RAD23A: variants seen among roughly 807,000 people sequenced by gnomAD.
RAD23A encodes the protein lysine-specific demethylase RAD23A.
Under a neutral mutation model 44.8 loss-of-function variants are expected in RAD23A, and 16 were observed. That is an observed-to-expected ratio of 0.36 (90% confidence interval 0.24 to 0.54). The LOEUF is 0.54. Among genes scored for constraint, RAD23A ranks in the 20% least tolerant of loss-of-function variants. RAD23A has a pLI of 0.89. For missense variants in RAD23A, 380 were observed against 483.3 expected (o/e 0.79, Z 2.00); for synonymous variants, 217 against 202.9 (o/e 1.07, Z -0.59).
At position 12,946,023 on chromosome 19, in the gene RAD23A, G is replaced by GCGGGC; in HGVS notation, c.72+12_72+16dup. On this transcript the variant is annotated splice_donor_region_variant and intron_variant, in intron 1 of 8. Transcript: ENST00000586534. ...TCCGCATGGAGCCTGACGAGACGGT[G>GCGGGC]CGGGCCGGGCCGGAGCCCGGGGGCG... 2 of 1,598,850 alleles carry GCGGGC rather than the reference G, an allele frequency of 1.3e-6. No homozygotes were observed. Among genetic ancestry groups the GCGGGC allele is most frequent in the African/African-American group, 1.4e-5 (1 of 72,762 alleles).
chr19:12,946,321 GC>G (rs1971673503), intron 1 of RAD23A, among the ~76,000 whole-genome samples: 1 of 152,236 alleles, frequency 6.6e-6, no homozygotes, highest in African/African-American at 2.4e-5. Context: ...GGATTCCTGG[GC>G]AGGCCAAGCT....
At chr19:12,952,639 G>A (rs1263137546) in intron 7 of RAD23A, 50 bp from the exon 8 acceptor site, 2 of 1,544,984 alleles carry the variant, frequency 1.3e-6, no homozygotes, top group East Asian at 2.3e-5. Context: ...CTGGGGAGAG[G>A]AGGGGACCAG....
chr19:12,950,475 G>A (rs529935702), intron 7 of RAD23A, among the ~76,000 whole-genome samples: 36 of 151,996 alleles, frequency 2.4e-4, no homozygotes, highest in Non-Finnish European at 4.6e-4. Context: ...CGCAATCCCG[G>A]CTCACTGCAA....
At chr19:12,947,567 T>C (rs1971700956) in intron 1 of RAD23A, among the ~76,000 whole-genome samples, 1 of 152,214 alleles carries the variant, frequency 6.6e-6, no homozygotes, top group Non-Finnish European at 1.5e-5. Flanking sequence ...GTTCTCTCAT[T>C]GAGAGCAGGG....
chr19:12,953,337 C>T lies in RAD23A; in HGVS notation c.*288C>T. 1 of 249,666 alleles carries T rather than the reference C, an allele frequency of 4.0e-6. No homozygotes were observed. Among genetic ancestry groups the T allele is most frequent in the Non-Finnish European group, 7.4e-6 (1 of 134,452 alleles). The allele number at this position is 249,666 out of a possible 1,614,324, so 15.5% of individuals were successfully genotyped here. A position where few individuals can be genotyped will look rare whatever the true frequency, so the allele number is the denominator to read the frequency against. On this transcript the variant is annotated 3_prime_UTR_variant, in exon 9 of 9. Transcript: ENST00000586534. ...GGGCCCCTCTTGGCCTCTGTCCCAG[C>T]TCTCTGCAGCCAGACGGAAAGGCGG... is the stretch of plus-strand genomic sequence containing the variant.
Position 12,951,352 on chromosome 19 carries a change from C to G in RAD23A, c.814-1337C>G, listed in dbSNP as rs115491115. Among the ~76,000 whole-genome samples, 1,396 of 152,318 alleles carry G rather than the reference C, an allele frequency of 9.2e-3. 23 individuals are homozygous for G. The highest frequency in any genetic ancestry group is 0.03 in the African/African-American group (1,268 of 41,574). On this transcript the variant is annotated intron_variant, in intron 7 of 8. Transcript: ENST00000586534. ...GTCACCACCGTGGCTTCCCCCTGCTCTAGAAAATGGGTCTGACTTGGGCCT... is the reference window on the plus strand; with the variant it reads ...GTCACCACCGTGGCTTCCCCCTGCTGTAGAAAATGGGTCTGACTTGGGCCT...
rs772368514 is a variant in RAD23A, at chr19:12,947,907, T to C, written c.132T>C (p.Ala44=). ...AEKGRDAFPV[A]GQKLIYAGKI... The stretch of plus-strand genomic sequence containing the variant: ...AGGGTCGTGATGCCTTCCCCGTGGC[T>C]GGACAGAAACTCATCTATGCCGGCA... Residue 44 remains alanine, a synonymous_variant, in exon 2 of 9, where the codon GCT becomes GCC. Transcript: ENST00000586534. The C allele has an allele frequency of 1.9e-6, 3 of 1,614,062 alleles. No individual in the cohort carries two copies. In the Admixed American group the frequency reaches 5.0e-5, roughly 27 times the overall value.
At chr19:12,946,162 C>T (rs1971667659) in intron 1 of RAD23A, 142 bp downstream of exon 1, 1 of 781,890 alleles carries the variant, frequency 1.3e-6, no homozygotes. Flanking sequence ...GCCCGACTTT[C>T]CTGGACCCCC....
intron 7 of RAD23A, among the ~76,000 whole-genome samples, chr19:12,949,903 G>T (rs1971762468): frequency 6.6e-6 from 1 of 151,850 alleles, no homozygotes; most frequent in Admixed American, 6.6e-5. Flanking sequence ...GTGCAAGTAG[G>T]TTCCTCTGGG....
In RAD23A at chr19:12,948,785, C is replaced by T; in HGVS notation, c.572C>T (p.Pro191Leu). 3 of 1,612,208 alleles carry T rather than the reference C, an allele frequency of 1.9e-6. No individual in the cohort carries two copies. The highest frequency in any genetic ancestry group is 2.5e-6 in the Non-Finnish European group (3 of 1,179,548). The change falls in exon 5 of 9, where the codon CCC becomes CTC. Residue 191 changes from proline (P) to leucine (L), a missense_variant. Pro to Leu is a moderately conservative substitution (Grantham distance 98). Transcript: ENST00000586534. The surrounding 1 kb of genome is among the most constrained non-coding windows in gnomAD (Gnocchi z 5.5). ...VAALRASYNN[P>L]HRAVEYLLTG... Reference sequence around the variant, plus strand: ...GCCCTGAGAGCCAGCTACAACAACCCCCACCGAGCCGTGGAGTATCTGCTC... The same window carrying T: ...GCCCTGAGAGCCAGCTACAACAACCTCCACCGAGCCGTGGAGTATCTGCTC...
Position 12,953,041 on chromosome 19 carries a change from G to A in RAD23A, c.1084G>A (p.Asp362Asn). 6.2e-7 allele frequency: 1 copy of A among 1,613,744 alleles called. No homozygotes were observed. The highest frequency in any genetic ancestry group is 8.5e-7 in the Non-Finnish European group (1 of 1,179,854). The change falls in exon 9 of 9, where the codon GAC (aspartate) becomes AAC (asparagine). Residue 362 changes from aspartate to asparagine, a missense_variant. This residue lies in a region of RAD23A where 31 missense variants were observed against 63.6 expected (regional missense o/e 0.49). Coordinates refer to ENST00000586534, the MANE Select transcript of RAD23A (RefSeq NM_005053.4). Reference protein sequence around the residue: ...ANFLLSQNFDDE With the variant: ...ANFLLSQNFDNE ...CTTCCTCCTGAGTCAGAACTTTGATGACGAGTGATGCCAGGAAGCCAGGCC... is the reference window on the plus strand; with the variant it reads ...CTTCCTCCTGAGTCAGAACTTTGATAACGAGTGATGCCAGGAAGCCAGGCC...
Position 12,952,858 on chromosome 19 carries a change from G to A in RAD23A, c.978+5G>A, listed in dbSNP as rs1024234829. 6.2e-7 allele frequency: 1 copy of A among 1,603,146 alleles called. No individual in the cohort carries two copies. The highest frequency in any genetic ancestry group is 8.5e-7 in the Non-Finnish European group (1 of 1,173,394). On this transcript the variant is annotated splice_donor_5th_base_variant and intron_variant, in intron 8 of 8. Coordinates refer to ENST00000586534, the MANE Select transcript of RAD23A (RefSeq NM_005053.4). Reference sequence around the variant, plus strand: ...GAGAAAGAAGCTATAGAGAGGGTAAGAGGCCTGGCTGAGGGGTGACTGCAG... The same window carrying A: ...GAGAAAGAAGCTATAGAGAGGGTAAAAGGCCTGGCTGAGGGGTGACTGCAG...
intron 7 of RAD23A, among the ~76,000 whole-genome samples, chr19:12,950,441 G>T (rs1479486753): frequency 1.3e-5 from 2 of 151,648 alleles, no homozygotes; most frequent in African/African-American, 4.8e-5. Flanking sequence ...ATCTCGCTCT[G>T]TCGCCCAGGC....
chr19:12,949,128 C>G lies in RAD23A; in HGVS notation c.648C>G (p.Ser216Arg). Residue 216 changes from serine to arginine, a missense_variant, in exon 6 of 9, where the codon AGC becomes AGG. Physicochemically the swap from Ser to Arg is moderately radical, Grantham distance 110 (BLOSUM62 -1). Transcript: ENST00000586534. ...CGGAACACGGTTCTGTCCAGGAGAG[C>G]CAGGTATCGGAGCAGCCGGCCACGG... ...PEPEHGSVQESQVSEQPATEA... is the reference protein window; with the variant it reads ...PEPEHGSVQERQVSEQPATEA... 1 of 1,613,902 alleles carries G rather than the reference C, an allele frequency of 6.2e-7. No homozygotes were observed. Among genetic ancestry groups the G allele is most frequent in the Non-Finnish European group, 8.5e-7 (1 of 1,179,882 alleles).
intron 6 of RAD23A, 26 bp downstream of exon 6, chr19:12,949,185 C>T: frequency 6.2e-7 from 1 of 1,614,070 alleles, no homozygotes. Flanking sequence ...CCGCATCTGC[C>T]CTCCAGGTAC....
Position 12,949,176 on chromosome 19 carries a change from C to A in RAD23A, c.679+17C>A. 1 of 1,614,076 alleles carries A rather than the reference C, an allele frequency of 6.2e-7. No homozygotes were observed. The highest frequency in any genetic ancestry group is 8.5e-7 in the Non-Finnish European group (1 of 1,179,964). ...CGGAAGCAGGTGGGTGTGCACATGC[C>A]GCATCTGCCCTCCAGGTACCTGACT... is the stretch of plus-strand genomic sequence containing the variant. On this transcript the variant is annotated intron_variant, in intron 6 of 8. Transcript: ENST00000586534.
rs776514519 is a variant in RAD23A, at chr19:12,949,410, TGTG to T, written c.813+5_813+7del. ...CAGGAGAACCCTCAGCTTTTACAGG[TGTG>T]GTCCCAAGGGCAGAGGGAGCTAGGG... is the stretch of plus-strand genomic sequence containing the variant. On this transcript the variant is annotated splice_donor_5th_base_variant and intron_variant, in intron 7 of 8. Coordinates refer to ENST00000586534, the MANE Select transcript of RAD23A (RefSeq NM_005053.4). The T allele has an allele frequency of 6.2e-7, 1 of 1,612,348 alleles. No individual in the cohort carries two copies. The highest frequency in any genetic ancestry group is 1.1e-5 in the South Asian group (1 of 91,036).
chr19:12,953,178 CA>C lies in RAD23A; in HGVS notation c.*131del, dbSNP rs1971863375. ...AAAAAAATCAAAAATCTTAAAAAAA[CA>C]AGCAAACAGTCCAGCTTCCTGTCCT... On this transcript the variant is annotated 3_prime_UTR_variant, in exon 9 of 9. Coordinates refer to ENST00000586534, the MANE Select transcript of RAD23A (RefSeq NM_005053.4). 1 of 680,486 alleles carries C rather than the reference CA, an allele frequency of 1.5e-6. No individual in the cohort carries two copies. The highest frequency in any genetic ancestry group is 2.3e-6 in the Non-Finnish European group (1 of 432,334). 42.2% of individuals were successfully genotyped at this position (680,486 alleles called of 1,614,324 possible). A position where few individuals can be genotyped will look rare whatever the true frequency, so the allele number is the denominator to read the frequency against.
In RAD23A at chr19:12,953,150, G is replaced by GA. The variant is rs371116567; in HGVS notation, c.*110dup. On this transcript the variant is annotated 3_prime_UTR_variant, in exon 9 of 9. Coordinates refer to ENST00000586534, the MANE Select transcript of RAD23A (RefSeq NM_005053.4). ...TATATTCATGTTTATTTAAGAAATG[G>GA]AAAAAAAAATCAAAAATCTTAAAAA... 488 of 790,720 alleles carry GA rather than the reference G, an allele frequency of 6.2e-4. No homozygotes were observed. The highest frequency in any genetic ancestry group is 7.9e-4 in the African/African-American group (43 of 54,380). The allele number at this position is 790,720 out of a possible 1,614,324, so 49.0% of individuals were successfully genotyped here.
Sources: allele counts gnomAD v4.1 joint callset (sites outside exome capture counted in the v4.1 genomes callset), GRCh38; gene constraint gnomAD v4.1.1; regional missense constraint gnomAD v4.1.1; non-coding constraint Gnocchi (gnomAD v3.1); transcripts MANE v1.5; gene names NCBI Gene and HGNC (gene_info 2026-07-23, HGNC 2026-07-21).